IFT43: variants seen among roughly 807,000 people sequenced by gnomAD.
IFT43 encodes the protein intraflagellar transport 43, also known as intraflagellar transport protein 43 homolog.
In IFT43, 33 loss-of-function variants were observed where a neutral mutation model predicts 32.3. The observed-to-expected ratio is 1.02, with a 90% CI of 0.77 to 1.37. The LOEUF (loss-of-function observed/expected upper bound fraction) is 1.37, where lower values mean the gene tolerates loss of function less well. Among genes scored for constraint, IFT43 ranks in the 40% most tolerant of loss-of-function variants. IFT43 has a pLI of 0.00. For missense variants in IFT43, 274 were observed against 265.9 expected, an observed-to-expected ratio of 1.03 and a Z score of -0.21; for synonymous variants, 93 against 98.2, an observed-to-expected ratio of 0.95 and a Z score of 0.31.
At chr14:76,006,217 T>C (rs2035978836) in intron 2 of IFT43, among the ~76,000 whole-genome samples, 1 of 152,160 alleles carries the variant, frequency 6.6e-6, no homozygotes, top group African/African-American at 2.4e-5. Flanking sequence ...TGCTGAGCAC[T>C]AGGAAAGGTT....
chr14:75,995,950 C>T (rs932587535), intron 2 of IFT43, among the ~76,000 whole-genome samples: 3 of 152,252 alleles, frequency 2.0e-5, no homozygotes, highest in African/African-American at 7.2e-5. Context: ...TGGGGCCGGC[C>T]GCTGTGTGGG....
Position 76,082,693 on chromosome 14 carries a change from G to A in IFT43, c.444+1G>A. The A allele has an allele frequency of 6.3e-7, 1 of 1,591,386 alleles. No homozygotes were observed. Among genetic ancestry groups the A allele is most frequent in the South Asian group, 1.1e-5 (1 of 90,618 alleles). ...GAAGTACTCAGCCATTCAGACACTG[G>A]TGAGTGGAACAGCTTCTGCATAGAG... On this transcript the variant is annotated splice_donor_variant, in intron 7 of 8. Coordinates refer to ENST00000314067, the MANE Select transcript of IFT43 (RefSeq NM_001102564.3). LOFTEE classifies it high-confidence loss of function.
chr14:76,051,407 A>T (rs1000271260), intron 3 of IFT43, among the ~76,000 whole-genome samples: 1 of 151,692 alleles, frequency 6.6e-6, no homozygotes, highest in South Asian at 2.1e-4. Flanking sequence ...GAGCAGAGGG[A>T]CCCCAATTAT....
At chr14:75,998,043 T>C in intron 2 of IFT43, among the ~76,000 whole-genome samples, 1 of 152,238 alleles carries the variant, frequency 6.6e-6, no homozygotes, top group East Asian at 1.9e-4. Context: ...ATTTCACACC[T>C]GTCAGCTATT....
chr14:76,006,855 A>ATTTTT (rs35845700), intron 2 of IFT43, among the ~76,000 whole-genome samples: 3 of 124,432 alleles, frequency 2.4e-5, no homozygotes, highest in African/African-American at 6.0e-5. Context: ...TACTGGGGAC[A>ATTTTT]TTTTTTTTTT....
Position 76,083,443 on chromosome 14 carries a change from A to C in IFT43, c.508-15A>C. 1 of 1,614,138 alleles carries C rather than the reference A, an allele frequency of 6.2e-7. No homozygotes were observed. Among genetic ancestry groups the C allele is most frequent in the Non-Finnish European group, 8.5e-7 (1 of 1,180,034 alleles). On this transcript the variant is annotated splice_polypyrimidine_tract_variant and intron_variant, in intron 8 of 8. Transcript: ENST00000314067. ...GGCCTTTCTTTGTCTTACCCAGCGA[A>C]ACCCTTCTTGGCAGGATGATGTCGG...
Position 75,993,836 on chromosome 14 carries a change from T to TC in IFT43, c.147+4860dup, listed in dbSNP as rs1688032713. Among the ~76,000 whole-genome samples, 3 of 152,256 alleles carry TC rather than the reference T, an allele frequency of 2.0e-5. No homozygotes were observed. In the South Asian group the frequency reaches 6.2e-4, roughly 32 times the overall value. ...GGAAGAGAGGGAATTGTTGAAGAGT[T>TC]CAAGGTGCATGCCAGTAAGAAGGGT... On this transcript the variant is annotated intron_variant, in intron 2 of 8. Transcript: ENST00000314067.
chr14:76,080,677 C>T (rs2037493761), intron 5 of IFT43, among the ~76,000 whole-genome samples: 1 of 152,194 alleles, frequency 6.6e-6, no homozygotes, highest in South Asian at 2.1e-4. Context: ...TCTGTCCCTC[C>T]ATAGGGCCTG....
intron 2 of IFT43, among the ~76,000 whole-genome samples, chr14:76,003,438 C>T (rs142753938): frequency 0.012 from 1,824 of 152,046 alleles, 45 homozygotes; most frequent in African/African-American, 0.042. Flanking sequence ...CCAGCCTGGC[C>T]AACATAGTGA....
intron 3 of IFT43, among the ~76,000 whole-genome samples, chr14:76,052,575 G>C (rs1276768208): frequency 6.6e-6 from 1 of 152,192 alleles, no homozygotes; most frequent in South Asian, 2.1e-4. Context: ...CCAAGATTCT[G>C]CCATGGTCCC....
intron 5 of IFT43, chr14:76,076,818 C>A: frequency 9.5e-7 from 1 of 1,051,592 alleles, no homozygotes; most frequent in Non-Finnish European, 1.4e-6. Flanking sequence ...GGCCAAATGG[C>A]AGTTGCCCTC....
rs554856028 is a variant in IFT43 at position 76,083,467 on chromosome 14, G to A, written c.517G>A (p.Gly173Ser). The A allele has an allele frequency of 1.9e-5, 30 of 1,614,132 alleles. No homozygotes were observed. The highest frequency in any genetic ancestry group is 8.0e-5 in the African/African-American group (6 of 75,044). Residue 173 changes from glycine (G) to serine (S), a missense_variant, in exon 9 of 9, where the codon GGC (glycine) becomes AGC (serine). Gly to Ser is a moderately conservative substitution (Grantham distance 56, BLOSUM62 0). Transcript: ENST00000314067. The part of the protein sequence containing the change: ...PEHEVREDDV[G>S]WDWDHLFTEV... Reference sequence around the variant, plus strand: ...AAACCCTTCTTGGCAGGATGATGTCGGCTGGGACTGGGACCATCTGTTCAC... The same window carrying A: ...AAACCCTTCTTGGCAGGATGATGTCAGCTGGGACTGGGACCATCTGTTCAC...
intron 2 of IFT43, among the ~76,000 whole-genome samples, chr14:76,000,303 T>C (rs1330980692): frequency 6.7e-6 from 1 of 149,852 alleles, no homozygotes; most frequent in African/African-American, 2.5e-5. Context: ...CTTGCTCTGT[T>C]GCCCAAGCTG....
In IFT43 at chr14:76,080,794, A is replaced by G. The variant is rs540544358; in HGVS notation, c.296-1501A>G. Reference sequence around the variant, plus strand: ...AAGAAAGCTAAATTTCTATTAGCATAAGAAATAGAATCTTAGAGCATTCCA... The same window carrying G: ...AAGAAAGCTAAATTTCTATTAGCATGAGAAATAGAATCTTAGAGCATTCCA... On this transcript the variant is annotated intron_variant, in intron 5 of 8. Transcript: ENST00000314067. Among the ~76,000 whole-genome samples, 19 of 152,358 alleles carry G rather than the reference A, an allele frequency of 1.2e-4. No homozygotes were observed. In the South Asian group the frequency reaches 3.7e-3, roughly 30 times the overall value.
intron 5 of IFT43, among the ~76,000 whole-genome samples, chr14:76,071,724 C>A (rs986703761): frequency 3.9e-5 from 6 of 152,130 alleles, no homozygotes; most frequent in African/African-American, 1.4e-4. Flanking sequence ...TATTACCTTT[C>A]TTTTTAATAT....
chr14:75,989,094 G>A (rs1052877610), intron 2 of IFT43, 117 bp downstream of exon 2: 12 of 1,296,480 alleles, frequency 9.3e-6, no homozygotes, highest in Admixed American at 7.9e-5. Flanking sequence ...CCTTTCTCCT[G>A]TCTTGATTTG....
At position 76,073,096 on chromosome 14, in the gene IFT43, G is replaced by A. The variant is rs1278111682; in HGVS notation, c.296-9199G>A. The stretch of plus-strand genomic sequence containing the variant: ...CAGTATTCTAGGGTGTCTGTTTCCA[G>A]TGACAGGGACTATACAAAGAAAAGG... On this transcript the variant is annotated intron_variant, in intron 5 of 8. Coordinates refer to ENST00000314067, the MANE Select transcript of IFT43 (RefSeq NM_001102564.3). Among the ~76,000 whole-genome samples the A allele has an allele frequency of 1.1e-4, 16 of 152,038 alleles. 1 individual carries two copies. Among genetic ancestry groups the A allele is most frequent in the Admixed American group, 1.0e-3 (16 of 15,278 alleles).
intron 2 of IFT43, among the ~76,000 whole-genome samples, chr14:75,995,094 T>C (rs957546762): frequency 6.6e-6 from 1 of 152,230 alleles, no homozygotes; most frequent in African/African-American, 2.4e-5. Flanking sequence ...TGCAGTGTCC[T>C]AGTTGAGCCT....
At chr14:75,996,689 C>G (rs1472642061) in intron 2 of IFT43, among the ~76,000 whole-genome samples, 3 of 152,166 alleles carry the variant, frequency 2.0e-5, no homozygotes, top group Non-Finnish European at 2.9e-5. Context: ...ACCTTTCTGT[C>G]AACAAAATGC....
Sources: gnomAD v4.1 joint callset for allele counts (sites outside exome capture counted in the v4.1 genomes callset) on GRCh38, gnomAD v4.1.1 for gene constraint, MANE v1.5 for transcripts, NCBI Gene and HGNC (gene_info 2026-07-23, HGNC 2026-07-21) for gene names.